The following GPR139 variants were observed in gnomAD, a reference collection of about 807,000 sequenced individuals.
The protein encoded by GPR139 is probable G protein-coupled receptor 139.
In GPR139, 12 loss-of-function variants were observed where a neutral mutation model predicts 25.8. The observed-to-expected ratio is 0.47, with a 90% CI of 0.30 to 0.75. The LOEUF (loss-of-function observed/expected upper bound fraction) is 0.75, where lower values mean the gene tolerates loss of function less well. Among genes scored for constraint, GPR139 ranks in the 30% least tolerant of loss-of-function variants. GPR139 has a pLI of 0.07. For missense variants in GPR139, 380 were observed against 450.2 expected, an observed-to-expected ratio of 0.84 and a Z score of 1.41; for synonymous variants, 184 against 179.9, an observed-to-expected ratio of 1.02 and a Z score of -0.18.
In GPR139 at chr16:20,073,864, C is replaced by G. The variant is rs1567242469; in HGVS notation, c.-248G>C. The stretch of plus-strand genomic sequence containing the variant: ...GTGCGGGGCGCGCTGCGCGGGGCCT[C>G]GGGAGGGGCTCCCGGAGCCCGTCTG... On this transcript the variant is annotated 5_prime_UTR_variant, in exon 1 of 2. Transcript: ENST00000570682. This position sits in a 1 kb window ranked among gnomAD's most constrained non-coding sequence, Gnocchi z 4.7. The G allele has an allele frequency of 1.4e-5, 6 of 442,562 alleles. No homozygotes were observed. Among genetic ancestry groups the G allele is most frequent in the African/African-American group, 4.2e-5 (2 of 47,668 alleles). The allele number at this position is 442,562 out of a possible 1,614,324, so 27.4% of individuals were successfully genotyped here. A position where few individuals can be genotyped will look rare whatever the true frequency, so the allele number is the denominator to read the frequency against.
chr16:20,053,247 A>G (rs1483575253), intron 1 of GPR139, among the ~76,000 whole-genome samples: 1 of 152,170 alleles, frequency 6.6e-6, no homozygotes, highest in Non-Finnish European at 1.5e-5. Context: ...TGACACCCAA[A>G]TCAGATGCAG....
At chr16:20,068,552 C>T (rs945019179) in intron 1 of GPR139, among the ~76,000 whole-genome samples, 1 of 152,154 alleles carries the variant, frequency 6.6e-6, no homozygotes, top group Admixed American at 6.5e-5. Context: ...ATTGTATCAT[C>T]TGTGAACCGA....
In GPR139 at chr16:20,031,668, A is replaced by G. The variant is rs982646132; in HGVS notation, c.*67T>C. On this transcript the variant is annotated 3_prime_UTR_variant, in exon 2 of 2. Transcript: ENST00000570682. ...CACTCTTAAGGAGAGCTGCTCAGCC[A>G]TAGGATGGGACACCTTCCCATCTGG... 3 of 1,262,602 alleles carry G rather than the reference A, an allele frequency of 2.4e-6. No individual in the cohort carries two copies. The highest frequency in any genetic ancestry group is 1.8e-5 in the Admixed American group (1 of 57,004). The allele number at this position is 1,262,602 out of a possible 1,614,324, so 78.2% of individuals were successfully genotyped here.
chr16:20,056,891 C>T (rs1596469553), intron 1 of GPR139, among the ~76,000 whole-genome samples: 1 of 152,150 alleles, frequency 6.6e-6, no homozygotes, highest in Non-Finnish European at 1.5e-5. Context: ...AACTCAATTT[C>T]CATTTTGTAA....
chr16:20,073,524 G>C lies in GPR139; in HGVS notation c.93C>G (p.Val31=), dbSNP rs2141218499. The change falls in exon 1 of 2, where the codon GTC becomes GTG. Residue 31 remains valine, a synonymous_variant. Coordinates refer to ENST00000570682, the MANE Select transcript of GPR139 (RefSeq NM_001002911.4). The surrounding 1 kb of genome is among the most constrained non-coding windows in gnomAD (Gnocchi z 4.7). ...CGAGGCACAGCAAGAGGCTGTAGTA[G>C]ACCACGGGCACGAAACCCAAGCCGC... ...SACGLGFVPV[V]YYSLLLCLGL... is the part of the protein sequence containing the mutation. The C allele has an allele frequency of 6.2e-7, 1 of 1,610,722 alleles. No homozygotes were observed. The highest frequency in any genetic ancestry group is 8.5e-7 in the Non-Finnish European group (1 of 1,178,704).
At chr16:20,038,106 C>A (rs919096809) in intron 1 of GPR139, among the ~76,000 whole-genome samples, 2 of 152,028 alleles carry the variant, frequency 1.3e-5, no homozygotes, top group Non-Finnish European at 2.9e-5. Context: ...AAGTGATCCA[C>A]CAGCCTCAGC....
intron 1 of GPR139, among the ~76,000 whole-genome samples, chr16:20,058,695 G>T (rs2057400104): frequency 6.6e-6 from 1 of 152,174 alleles, no homozygotes; most frequent in African/African-American, 2.4e-5. Context: ...TCACAGTGAC[G>T]ATGTCCCTCC....
At chr16:20,040,422 A>G (rs2057325846) in intron 1 of GPR139, among the ~76,000 whole-genome samples, 1 of 152,232 alleles carries the variant, frequency 6.6e-6, no homozygotes, top group African/African-American at 2.4e-5. Context: ...CCACAAAACG[A>G]GATTATACAA....
chr16:20,066,731 A>T (rs755394262), intron 1 of GPR139, among the ~76,000 whole-genome samples: 1 of 152,234 alleles, frequency 6.6e-6, no homozygotes, highest in Non-Finnish European at 1.5e-5. Context: ...AGGGCACAGA[A>T]GGTTAATAGC....
rs1463614016 is a variant in GPR139, at chr16:20,032,634, C to T, written c.163G>A (p.Val55Met). ...ILTVIILSQL[V>M]ARRQKSSYNY... is the part of the protein sequence containing the mutation. ...TAGGAGGACTTCTGTCTTCTTGCCA[C>T]CAGCTGGGAGAGGATGATCACTGTC... Residue 55 changes from valine (V) to methionine (M), a missense_variant, in exon 2 of 2, where the codon GTG becomes ATG. By Grantham distance (21) the Val-to-Met change is conservative. Coordinates refer to ENST00000570682, the MANE Select transcript of GPR139 (RefSeq NM_001002911.4). The T allele has an allele frequency of 6.2e-7, 1 of 1,610,132 alleles. No homozygotes were observed. The highest frequency in any genetic ancestry group is 2.2e-5 in the East Asian group (1 of 44,764).
chr16:20,029,474 T>A lies in GPR139; in HGVS notation c.*2261A>T, dbSNP rs919241896. ...TTTTCAGAGCTACATGTTTAAAAAA[T>A]AAATAAATAAATATATATATATATA... On this transcript the variant is annotated 3_prime_UTR_variant, in exon 2 of 2. Transcript: ENST00000570682. 7.1e-4 allele frequency among the ~76,000 whole-genome samples: 20 copies of A among 28,230 alleles called. No homozygotes were observed. The highest frequency in any genetic ancestry group is 3.5e-3 in the East Asian group (9 of 2,576). 18.5% of individuals were successfully genotyped at this position (28,230 alleles called of 152,430 possible).
Position 20,073,034 on chromosome 16 carries a change from C to T in GPR139, c.127+456G>A, listed in dbSNP as rs1417148548. ...TCATCTCGTGTCAGGCGGGGACACG[C>T]AGAGGGGCAGAGGTGCCCCAAGTGG... On this transcript the variant is annotated intron_variant, in intron 1 of 1. Transcript: ENST00000570682. The surrounding 1 kb of genome is among the most constrained non-coding windows in gnomAD (Gnocchi z 4.7). Among the ~76,000 whole-genome samples the T allele has an allele frequency of 6.6e-6, 1 of 152,186 alleles. No homozygotes were observed. Among genetic ancestry groups the T allele is most frequent in the African/African-American group, 2.4e-5 (1 of 41,446 alleles).
intron 1 of GPR139, chr16:20,070,846 A>T: frequency 1.7e-6 from 1 of 578,202 alleles, no homozygotes; most frequent in Non-Finnish European, 2.2e-6. Context: ...AGAGTTTGCT[A>T]ATTGCTGGTG....
At chr16:20,049,412 A>C (rs1442092405) in intron 1 of GPR139, among the ~76,000 whole-genome samples, 2 of 152,116 alleles carry the variant, frequency 1.3e-5, no homozygotes, top group African/African-American at 4.8e-5. Flanking sequence ...GTTACCTTCT[A>C]TAATAGCTAT....
At chr16:20,041,432 A>G (rs540799408) in intron 1 of GPR139, among the ~76,000 whole-genome samples, 1 of 151,702 alleles carries the variant, frequency 6.6e-6, no homozygotes, top group Non-Finnish European at 1.5e-5. Flanking sequence ...AGACTCCTAC[A>G]TAAGAAGTCA....
chr16:20,051,831 C>G (rs183979474), intron 1 of GPR139, among the ~76,000 whole-genome samples: 45 of 152,228 alleles, frequency 3.0e-4, no homozygotes, highest in Middle Eastern at 3.4e-3. Context: ...CACGTGCCTG[C>G]GTGTCACAGA....
In GPR139 at chr16:20,049,454, G is replaced by A. The variant is rs138939573; in HGVS notation, c.128-16785C>T. 8.5e-5 allele frequency among the ~76,000 whole-genome samples: 13 copies of A among 152,268 alleles called. 1 individual carries two copies. Among genetic ancestry groups the A allele is most frequent in the Admixed American group, 3.9e-4 (6 of 15,298 alleles). On this transcript the variant is annotated intron_variant, in intron 1 of 1. Transcript: ENST00000570682. ...AAATTCCCCACTTACTGACTTGGGC[G>A]TAACACTTAAGTCAGTTTTCTCATC...
chr16:20,034,524 ATTCT>A (rs2057303281), intron 1 of GPR139, among the ~76,000 whole-genome samples: 1 of 152,004 alleles, frequency 6.6e-6, no homozygotes, highest in South Asian at 2.1e-4. Context: ...ATGTCTGCAT[ATTCT>A]TTCTTTCTTT....
intron 1 of GPR139, among the ~76,000 whole-genome samples, chr16:20,042,512 T>C (rs1206322166): frequency 6.6e-6 from 1 of 152,154 alleles, no homozygotes; most frequent in Non-Finnish European, 1.5e-5. Context: ...CCCTCAACTT[T>C]GTTTCTCTGC....
Sources: allele counts gnomAD v4.1 joint callset (sites outside exome capture counted in the v4.1 genomes callset), GRCh38; gene constraint gnomAD v4.1.1; non-coding constraint Gnocchi (gnomAD v3.1); transcripts MANE v1.5; gene names NCBI Gene and HGNC (gene_info 2026-07-23, HGNC 2026-07-21).